GAS2: variants seen among roughly 807,000 people sequenced by gnomAD.
GAS2 encodes the protein growth arrest-specific protein 2.
GAS2 carries 20 observed loss-of-function variants against 37.5 expected under a neutral mutation model. That is an observed-to-expected ratio of 0.53 (90% CI 0.37 to 0.77). GAS2 has a LOEUF of 0.77. Ranked by LOEUF, GAS2 falls within the 30% of genes least tolerant of loss-of-function variation. The pLI is 0.00. For missense variants in GAS2, 336 were observed against 373.4 expected (o/e 0.90, Z 0.82); for synonymous variants, 144 against 132.2 (o/e 1.09, Z -0.61).
intron 5 of GAS2, among the ~76,000 whole-genome samples, chr11:22,746,817 T>G (rs1853431407): frequency 6.6e-6 from 1 of 152,184 alleles, no homozygotes; most frequent in Non-Finnish European, 1.5e-5. Context: ...TATACCCATG[T>G]AACAATTCTG....
At chr11:22,672,331 A>C (rs1849238133) in intron 1 of GAS2, among the ~76,000 whole-genome samples, 1 of 152,208 alleles carries the variant, frequency 6.6e-6, no homozygotes, top group South Asian at 2.1e-4. Context: ...GGCAAAACAC[A>C]GGACAGAGTA....
chr11:22,714,062 C>A (rs1044169892), intron 3 of GAS2, among the ~76,000 whole-genome samples: 2 of 152,084 alleles, frequency 1.3e-5, no homozygotes, highest in South Asian at 4.2e-4. Context: ...AATGGCTACA[C>A]TTAAAAGGTA....
In GAS2 at chr11:22,812,428, CTTTTT is replaced by C; in HGVS notation, c.*426_*430del. ...TTTTTATAATTGCAAGATTTTTATG[CTTTTT>C]TTTTTTTTTTTTTACAAAATGATGA... On this transcript the variant is annotated 3_prime_UTR_variant, in exon 8 of 8. Transcript: ENST00000454584. The C allele has an allele frequency of 7.4e-6, 1 of 136,034 alleles. No individual in the cohort carries two copies. Among genetic ancestry groups the C allele is most frequent in the African/African-American group, 2.8e-5 (1 of 36,112 alleles). 8.4% of individuals were successfully genotyped at this position (136,034 alleles called of 1,614,324 possible). A position where few individuals can be genotyped will look rare whatever the true frequency, so the allele number is the denominator to read the frequency against.
At chr11:22,649,750 G>C (rs1848749402) in intron 1 of GAS2, among the ~76,000 whole-genome samples, 1 of 152,138 alleles carries the variant, frequency 6.6e-6, no homozygotes, top group African/African-American at 2.4e-5. Flanking sequence ...ATTTCTGTGG[G>C]ATCGGTGGTG....
chr11:22,763,330 G>A (rs1564877138), intron 7 of GAS2, among the ~76,000 whole-genome samples: 2 of 152,080 alleles, frequency 1.3e-5, no homozygotes, highest in South Asian at 2.1e-4. Context: ...ACTGAACTTG[G>A]CAATGTCTTC....
At chr11:22,712,037 C>T (rs1851429262) in intron 3 of GAS2, among the ~76,000 whole-genome samples, 1 of 152,198 alleles carries the variant, frequency 6.6e-6, no homozygotes, top group East Asian at 1.9e-4. Flanking sequence ...CCCTCTTCTA[C>T]TGCTATCCTC....
At chr11:22,746,277 T>C (rs1853397386) in intron 5 of GAS2, among the ~76,000 whole-genome samples, 1 of 152,282 alleles carries the variant, frequency 6.6e-6, no homozygotes, top group South Asian at 2.1e-4. Flanking sequence ...GAATGTGAAT[T>C]AGTTCAGCCA....
At chr11:22,660,638 T>C (rs57810689) in intron 1 of GAS2, among the ~76,000 whole-genome samples, 7,356 of 152,272 alleles carry the variant, frequency 0.048, 356 homozygotes, top group East Asian at 0.28. Context: ...AAATCTGGAC[T>C]CCAGATTACT....
At chr11:22,737,800 A>G in intron 5 of GAS2, 32 bp downstream of exon 5, 1 of 1,598,096 alleles carries the variant, frequency 6.3e-7, no homozygotes, top group East Asian at 2.2e-5. Flanking sequence ...ATGTCAAGAC[A>G]TTGACGATTT....
chr11:22,626,754 G>A (rs1323390744), intron 1 of GAS2: 2 of 152,154 alleles, frequency 1.3e-5, no homozygotes, highest in Non-Finnish European at 2.9e-5. Flanking sequence ...CGAAAAGTGG[G>A]GGAAGGTGTT....
intron 3 of GAS2, among the ~76,000 whole-genome samples, chr11:22,695,747 A>G (rs764688777): frequency 3.9e-5 from 6 of 152,198 alleles, no homozygotes; most frequent in Non-Finnish European, 7.3e-5. Flanking sequence ...AAATTTGACA[A>G]CAGAATATTT....
intron 3 of GAS2, among the ~76,000 whole-genome samples, chr11:22,715,452 C>A (rs1366633519): frequency 6.3e-5 from 5 of 79,926 alleles, no homozygotes; most frequent in Non-Finnish European, 1.1e-4. Flanking sequence ...CAGAGCAAGA[C>A]TCTGTCTCAA....
intron 6 of GAS2, among the ~76,000 whole-genome samples, chr11:22,752,586 T>C (rs1853801807): frequency 6.6e-6 from 1 of 151,914 alleles, no homozygotes; most frequent in African/African-American, 2.4e-5. Flanking sequence ...GTTTCTGCGT[T>C]TAGTTAATAA....
At chr11:22,724,244 T>TAACAA in intron 3 of GAS2, among the ~76,000 whole-genome samples, 1 of 151,922 alleles carries the variant, frequency 6.6e-6, no homozygotes, top group Non-Finnish European at 1.5e-5. Context: ...TGCTTAAGAG[T>TAACAA]ATATTCTGAA....
intron 3 of GAS2, among the ~76,000 whole-genome samples, chr11:22,697,570 C>G (rs1221408572): frequency 1.3e-5 from 2 of 152,140 alleles, no homozygotes; most frequent in East Asian, 3.8e-4. Context: ...TTGTTCCTAC[C>G]CATGAGCATG....
chr11:22,651,143 A>C (rs536812093), intron 1 of GAS2, among the ~76,000 whole-genome samples: 3 of 151,404 alleles, frequency 2.0e-5, no homozygotes, highest in African/African-American at 7.3e-5. Context: ...GCATTTGCTT[A>C]TCTGTAAAGT....
At chr11:22,771,324 C>G (rs987746307) in intron 7 of GAS2, among the ~76,000 whole-genome samples, 1 of 152,054 alleles carries the variant, frequency 6.6e-6, no homozygotes, top group Non-Finnish European at 1.5e-5. Context: ...TCATCTTGGC[C>G]TTTGCTTTCA....
chr11:22,797,355 C>G (rs1299980474), intron 7 of GAS2, among the ~76,000 whole-genome samples: 2 of 152,042 alleles, frequency 1.3e-5, no homozygotes, highest in Non-Finnish European at 1.5e-5. Flanking sequence ...GCTGAATTCC[C>G]TCCCCCACCA....
At chr11:22,676,867 T>C (rs1023787495) in intron 2 of GAS2, among the ~76,000 whole-genome samples, 2 of 152,202 alleles carry the variant, frequency 1.3e-5, no homozygotes, top group African/African-American at 2.4e-5. Context: ...TATTGCACTG[T>C]GTCTTGGTTA....
Sources: allele counts gnomAD v4.1 joint callset (sites outside exome capture counted in the v4.1 genomes callset), GRCh38; gene constraint gnomAD v4.1.1; transcripts MANE v1.5; gene names NCBI Gene and HGNC (gene_info 2026-07-23, HGNC 2026-07-21).